Variants in EIF2AK3 observed in about 807,000 individuals in gnomAD.
EIF2AK3 encodes the protein eukaryotic translation initiation factor 2-alpha kinase 3.
EIF2AK3 carries 50 observed loss-of-function variants against 113.5 expected under a neutral mutation model. The ratio of observed to expected loss-of-function variants is 0.44; its 90% CI spans 0.35 to 0.56. EIF2AK3 has a LOEUF of 0.56. Among genes scored for constraint, EIF2AK3 ranks in the 20% least tolerant of loss-of-function variants. The pLI, the probability that EIF2AK3 is intolerant of heterozygous loss-of-function variation, is 0.00. For synonymous variants in EIF2AK3, 448 were observed against 495.4 expected (o/e 0.90, Z 1.27); for missense variants, 1,185 against 1,378.0 (o/e 0.86, Z 2.22).
chr2:88,574,895 A>G lies in EIF2AK3; in HGVS notation c.2588T>C (p.Leu863Ser), dbSNP rs1674411990. 1.9e-6 allele frequency: 3 copies of G among 1,614,090 alleles called. No individual in the cohort carries two copies. The highest frequency in any genetic ancestry group is 1.3e-5 in the African/African-American group (1 of 74,942). The change falls in exon 13 of 17, where the codon TTA becomes TCA. Residue 863 changes from leucine (L) to serine (S), a missense_variant. By Grantham distance (145) the Leu-to-Ser change is moderately radical. Transcript: ENST00000303236. ...LSISPPRPTT[L>S]SLDLTKNTTE... Reference sequence around the variant, plus strand: ...GGTGTTTTTAGTGAGATCTAAACTTAAAGTGGTTGGTCTTGGAGGAGAAAT... The same window carrying G: ...GGTGTTTTTAGTGAGATCTAAACTTGAAGTGGTTGGTCTTGGAGGAGAAAT...
Position 88,557,571 on chromosome 2 carries a change from T to G in EIF2AK3, c.*165A>C. The G allele has an allele frequency of 1.4e-6, 1 of 729,256 alleles. No individual in the cohort carries two copies. The highest frequency in any genetic ancestry group is 2.4e-6 in the Non-Finnish European group (1 of 421,574). 45.2% of individuals were successfully genotyped at this position (729,256 alleles called of 1,614,324 possible). ...AGCAAAACTCAGGAGTTGGCTCAAATTAGGTTATGCCCCCAAATCCAGCTT... is the reference window on the plus strand; with the variant it reads ...AGCAAAACTCAGGAGTTGGCTCAAAGTAGGTTATGCCCCCAAATCCAGCTT... On this transcript the variant is annotated 3_prime_UTR_variant, in exon 17 of 17. Transcript: ENST00000303236.
rs1446744151 is a variant in EIF2AK3 at position 88,556,992 on chromosome 2, G to A, written c.*744C>T. 2 of 152,138 alleles carry A rather than the reference G, an allele frequency of 1.3e-5. No individual in the cohort carries two copies. Among genetic ancestry groups the A allele is most frequent in the Non-Finnish European group, 2.9e-5 (2 of 68,034 alleles). The allele number at this position is 152,138 out of a possible 1,614,324, so 9.4% of individuals were successfully genotyped here. On this transcript the variant is annotated 3_prime_UTR_variant, in exon 17 of 17. Transcript: ENST00000303236. ...TATAAGACACTTAAGATTTCATTAG[G>A]CTTAAAAAGTCCATAGTTGAAGAAG...
chr2:88,621,950 G>A (rs1030483486), intron 1 of EIF2AK3, among the ~76,000 whole-genome samples: 1 of 145,330 alleles, frequency 6.9e-6, no homozygotes, highest in African/African-American at 2.6e-5. Flanking sequence ...AGGCTGGAGT[G>A]CAGTGGCATG....
intron 2 of EIF2AK3, among the ~76,000 whole-genome samples, chr2:88,606,582 C>T (rs1368703545): frequency 4.6e-5 from 7 of 152,114 alleles, no homozygotes; most frequent in Non-Finnish European, 1.0e-4. Flanking sequence ...TGCTAGTTTG[C>T]GTGCAAATGA....
intron 2 of EIF2AK3, among the ~76,000 whole-genome samples, chr2:88,596,838 AAAAG>A (rs1267012459): frequency 6.6e-6 from 1 of 152,216 alleles, no homozygotes; most frequent in Non-Finnish European, 1.5e-5. Flanking sequence ...TGGCATGAGC[AAAAG>A]AAAGGAGTCC....
At position 88,583,668 on chromosome 2, in the gene EIF2AK3, A is replaced by T. The variant is rs767552235; in HGVS notation, c.1651-126T>A. ...TAGCATCAAGAAAAATAAAAGCATT[A>T]TGAAAACAAAGTGCAGCATTTTGCT... is the stretch of plus-strand genomic sequence containing the variant. On this transcript the variant is annotated intron_variant, in intron 9 of 16. Coordinates refer to ENST00000303236, the MANE Select transcript of EIF2AK3 (RefSeq NM_004836.7). 1.6e-5 allele frequency: 12 copies of T among 737,902 alleles called. No homozygotes were observed. The East Asian group carries it at 2.6e-4, about 16-fold the overall frequency. The allele number at this position is 737,902 out of a possible 1,614,324, so 45.7% of individuals were successfully genotyped here.
rs1176748814 is a variant in EIF2AK3, at chr2:88,608,700, C to CT, written c.438+5023dup. Among the ~76,000 whole-genome samples the CT allele has an allele frequency of 3.9e-3, 239 of 62,022 alleles. 10 individuals are homozygous for CT. Among genetic ancestry groups the CT allele is most frequent in the East Asian group, 6.5e-3 (11 of 1,682 alleles). 40.7% of individuals were successfully genotyped at this position (62,022 alleles called of 152,430 possible). On this transcript the variant is annotated intron_variant, in intron 2 of 16. Transcript: ENST00000303236. ...CATTTCAAATGGCAGTTTTTGATTT[C>CT]TTTTTTTTTTTTTTTTTTTTTTTTT... is the stretch of plus-strand genomic sequence containing the variant.
chr2:88,604,011 C>A (rs1048221868), intron 2 of EIF2AK3, among the ~76,000 whole-genome samples: 6 of 152,152 alleles, frequency 3.9e-5, no homozygotes, highest in African/African-American at 1.4e-4. Flanking sequence ...TGTCACTTTA[C>A]TTCACTCATT....
Position 88,588,071 on chromosome 2 carries a change from G to T in EIF2AK3, c.1340C>A (p.Ser447Tyr). The part of the protein sequence containing the change: ...SPSRTPVLVG[S>Y]DEFDKCLSND... ...ACTGAGACATTTGTCAAATTCATCA[G>T]ATCCTACCAAGACAGGAGTTCTGGA... The change falls in exon 8 of 17, where the codon TCT (serine) becomes TAT (tyrosine). Residue 447 changes from serine to tyrosine, a missense_variant. Physicochemically the swap from Ser to Tyr is moderately radical, Grantham distance 144. Coordinates refer to ENST00000303236, the MANE Select transcript of EIF2AK3 (RefSeq NM_004836.7). The T allele has an allele frequency of 6.5e-7, 1 of 1,538,468 alleles. No individual in the cohort carries two copies.
chr2:88,627,123 G>A lies in EIF2AK3; in HGVS notation c.152C>T (p.Ala51Val). ...TACTCGCGTCGCTGAGGTGGGAGCA[G>A]CGGCCGCCCCGAGGCCGAACGCCGC... ...AEAAFGLGAA[A>V]APTSATRVPA... The change falls in exon 1 of 17, where the codon GCT (alanine) becomes GTT (valine). Residue 51 changes from alanine to valine, a missense_variant. By Grantham distance (64) the Ala-to-Val change is moderately conservative (BLOSUM62 0). This residue lies in a region of EIF2AK3 where 189 missense variants were observed against 175.2 expected (regional missense o/e 1.08). Coordinates refer to ENST00000303236, the MANE Select transcript of EIF2AK3 (RefSeq NM_004836.7). 2 of 1,499,380 alleles carry A rather than the reference G, an allele frequency of 1.3e-6. No homozygotes were observed. Among genetic ancestry groups the A allele is most frequent in the Non-Finnish European group, 1.8e-6 (2 of 1,131,228 alleles). 92.9% of individuals were successfully genotyped at this position (1,499,380 alleles called of 1,614,324 possible).
intron 6 of EIF2AK3, among the ~76,000 whole-genome samples, chr2:88,589,372 T>C (rs1174906657): frequency 6.6e-6 from 1 of 152,224 alleles, no homozygotes; most frequent in African/African-American, 2.4e-5. Context: ...TCAGAGCTTA[T>C]AGAATTTTAT....
chr2:88,577,894 GCTTGACTTC>G (rs1674503076), intron 11 of EIF2AK3, among the ~76,000 whole-genome samples: 1 of 152,182 alleles, frequency 6.6e-6, no homozygotes, highest in African/African-American at 2.4e-5. Context: ...TTTCTAAGAA[GCTTGACTTC>G]CTTGACTGCC....
In EIF2AK3 at chr2:88,625,284, TACACACACACACACACAC is replaced by T. The variant is rs375827301; in HGVS notation, c.308+1665_308+1682del. ...TATGTGCATGTCTATATCGCTTACG[TACACACACACACACACAC>T]ACACACACACACACACACACACACA... On this transcript the variant is annotated intron_variant, in intron 1 of 16. Transcript: ENST00000303236. Among the ~76,000 whole-genome samples the T allele has an allele frequency of 1.0e-3, 136 of 135,260 alleles. 1 individual carries two copies. Among genetic ancestry groups the T allele is most frequent in the Admixed American group, 4.8e-3 (65 of 13,500 alleles). The allele number at this position is 135,260 out of a possible 152,430, so 88.7% of individuals were successfully genotyped here. A position where few individuals can be genotyped will look rare whatever the true frequency, so the allele number is the denominator to read the frequency against.
intron 2 of EIF2AK3, among the ~76,000 whole-genome samples, chr2:88,612,059 T>G (rs1675470221): frequency 6.6e-6 from 1 of 152,216 alleles, no homozygotes; most frequent in African/African-American, 2.4e-5. Flanking sequence ...ACAGTAAGAA[T>G]GTTGAACTGT....
intron 2 of EIF2AK3, among the ~76,000 whole-genome samples, chr2:88,602,735 A>T (rs186838511): frequency 6.6e-6 from 1 of 152,248 alleles, no homozygotes; most frequent in African/African-American, 2.4e-5. Context: ...CTCACTTGTA[A>T]GTGAGAGTTG....
intron 2 of EIF2AK3, among the ~76,000 whole-genome samples, chr2:88,600,120 C>A (rs1675114776): frequency 6.6e-6 from 1 of 152,172 alleles, no homozygotes; most frequent in Non-Finnish European, 1.5e-5. Flanking sequence ...TAAAAGTTCA[C>A]TTTTAAATAG....
intron 15 of EIF2AK3, among the ~76,000 whole-genome samples, chr2:88,561,393 C>G (rs1325767596): frequency 1.3e-5 from 2 of 151,980 alleles, no homozygotes; most frequent in African/African-American, 4.8e-5. Flanking sequence ...TCCAGAGTAG[C>G]TGGGACTACA....
chr2:88,623,082 A>T (rs924669166), intron 1 of EIF2AK3, among the ~76,000 whole-genome samples: 2 of 152,256 alleles, frequency 1.3e-5, no homozygotes, highest in Non-Finnish European at 2.9e-5. Flanking sequence ...AGTGATAGTT[A>T]AGATAAAACT....
chr2:88,587,106 G>A (rs866900704), intron 8 of EIF2AK3, among the ~76,000 whole-genome samples: 11 of 148,886 alleles, frequency 7.4e-5, no homozygotes, highest in South Asian at 4.3e-4. Flanking sequence ...TCGGGAGGCT[G>A]AGGCAGAAGA....
Sources: allele counts gnomAD v4.1 joint callset (sites outside exome capture counted in the v4.1 genomes callset), GRCh38; gene constraint gnomAD v4.1.1; regional missense constraint gnomAD v4.1.1; transcripts MANE v1.5; gene names NCBI Gene and HGNC (gene_info 2026-07-23, HGNC 2026-07-21).